The following COL4A3 variants were observed in gnomAD, a reference collection of about 807,000 sequenced individuals.
COL4A3 encodes the protein collagen alpha-3(IV) chain.
COL4A3 carries 135 observed loss-of-function variants against 217.4 expected under a neutral mutation model. The observed-to-expected ratio is 0.62, with a 90% CI of 0.54 to 0.72. The LOEUF is 0.72. Ranked by LOEUF, COL4A3 falls within the 30% of genes least tolerant of loss-of-function variation. The pLI is 0.00. For synonymous variants in COL4A3, 690 were observed against 736.3 expected, an observed-to-expected ratio of 0.94 and a Z score of 1.02; for missense variants, 1,868 against 2,119.9, an observed-to-expected ratio of 0.88 and a Z score of 2.33.
chr2:227,283,053 G>A (rs1399199154), intron 32 of COL4A3, among the ~76,000 whole-genome samples: 1 of 152,110 alleles, frequency 6.6e-6, no homozygotes, highest in East Asian at 1.9e-4. Context: ...ATTTCTTATA[G>A]GTATATTCAG....
At chr2:227,257,438 C>T (rs987428209) in intron 17 of COL4A3, among the ~76,000 whole-genome samples, 165 bp from the exon 18 acceptor site, 3 of 152,190 alleles carry the variant, frequency 2.0e-5, no homozygotes, top group African/African-American at 7.2e-5. Flanking sequence ...CAGATACGCG[C>T]TCTCCAGGAA....
intron 46 of COL4A3, chr2:227,304,400 T>G: frequency 2.1e-6 from 1 of 472,912 alleles, no homozygotes; most frequent in Non-Finnish European, 3.8e-6. Context: ...TTATTATTTT[T>G]TATTAAGGTA....
intron 1 of COL4A3, among the ~76,000 whole-genome samples, chr2:227,202,609 C>A (rs1006084616): frequency 6.6e-6 from 1 of 151,118 alleles, no homozygotes; most frequent in Non-Finnish European, 1.5e-5. Flanking sequence ...GTGGCGGGCA[C>A]CTGTAGTCCC....
intron 1 of COL4A3, chr2:227,222,622 A>G (rs1044640262): frequency 3.3e-5 from 5 of 152,214 alleles, no homozygotes; most frequent in Non-Finnish European, 5.9e-5. Flanking sequence ...GCACAAAACA[A>G]ATGAGGGAGC....
intron 3 of COL4A3, among the ~76,000 whole-genome samples, chr2:227,242,578 C>T (rs112954207): frequency 0.026 from 4,014 of 152,196 alleles, 173 homozygotes; most frequent in Admixed American, 0.095. Flanking sequence ...GATGACCAGC[C>T]CCCATCTGGG....
Position 227,250,237 on chromosome 2 carries a change from C to T in COL4A3, c.547-903C>T, listed in dbSNP as rs1433655163. On this transcript the variant is annotated intron_variant, in intron 9 of 51. Coordinates refer to ENST00000396578, the MANE Select transcript of COL4A3 (RefSeq NM_000091.5). This position sits in a 1 kb window ranked among gnomAD's most constrained non-coding sequence, Gnocchi z 4.1. ...CTGAGGCAGGAGAATCACTTGAACC[C>T]GGGAGGCAGAGGCTGCAGTGAGCAG... 1.3e-5 allele frequency among the ~76,000 whole-genome samples: 2 copies of T among 151,966 alleles called. No homozygotes were observed. Among genetic ancestry groups the T allele is most frequent in the African/African-American group, 2.4e-5 (1 of 41,368 alleles).
intron 24 of COL4A3, 51 bp downstream of exon 24, chr2:227,270,031 C>A: frequency 6.7e-7 from 1 of 1,483,270 alleles, no homozygotes; most frequent in Non-Finnish European, 9.4e-7. Context: ...AAATTGCACA[C>A]TCTAGAAATA....
chr2:227,178,523 G>A (rs765062052), intron 1 of COL4A3, among the ~76,000 whole-genome samples: 1 of 151,218 alleles, frequency 6.6e-6, no homozygotes. Flanking sequence ...AGATGATGAG[G>A]TAATGTCATT....
At chr2:227,179,177 A>G (rs80314989) in intron 1 of COL4A3, among the ~76,000 whole-genome samples, 26,309 of 151,370 alleles carry the variant, frequency 0.17, 2,447 homozygotes, top group Admixed American at 0.26. Context: ...TCTTGAACTC[A>G]TGGGCTCAAG....
chr2:227,301,560 A>G (rs906676997), intron 43 of COL4A3, among the ~76,000 whole-genome samples: 9 of 152,228 alleles, frequency 5.9e-5, no homozygotes, highest in African/African-American at 1.9e-4. Flanking sequence ...AAAGTTGCCA[A>G]TTTGATCCAT....
Position 227,284,229 on chromosome 2 carries a change from GAGTAAAGGGCC to G in COL4A3, c.2768_2778del (p.Val923GlufsTer13), listed in dbSNP as rs766306957. ...CTGTTAGGGAGCCCTGGAATTCCAG[GAGTAAAGGGCC>G]AGAGAGGAACCCCAGGAGCCAAGGG... On this transcript the variant is annotated frameshift_variant, in exon 34 of 52. Transcript: ENST00000396578. LOFTEE classifies it high-confidence loss of function. 7.6e-5 allele frequency: 122 copies of G among 1,613,968 alleles called. No homozygotes were observed. Among genetic ancestry groups the G allele is most frequent in the Non-Finnish European group, 1.0e-4 (120 of 1,180,002 alleles).
At chr2:227,199,713 A>G (rs1200383036) in intron 1 of COL4A3, among the ~76,000 whole-genome samples, 1 of 152,224 alleles carries the variant, frequency 6.6e-6, no homozygotes. Flanking sequence ...AAACATTCAT[A>G]TCTGTGGCCC....
rs773788933 is a variant in COL4A3, at chr2:227,290,779, C to T, written c.3103C>T (p.Pro1035Ser). Residue 1035 changes from proline to serine, a missense_variant, in exon 37 of 52, where the codon CCA becomes TCA. Coordinates refer to ENST00000396578, the MANE Select transcript of COL4A3 (RefSeq NM_000091.5). ...SKGKRGTLGF[P>S]GRAGRPGLPG... ...AGGAAAAAGGGGAACTTTGGGATTC[C>T]CAGGTCGAGCAGGAAGACCAGGCCT... is the stretch of plus-strand genomic sequence containing the variant. 4.3e-6 allele frequency: 7 copies of T among 1,613,316 alleles called. No individual in the cohort carries two copies. Among genetic ancestry groups the T allele is most frequent in the Non-Finnish European group, 5.1e-6 (6 of 1,179,928 alleles).
Position 227,251,183 on chromosome 2 carries a change from C to G in COL4A3, c.590C>G (p.Pro197Arg), listed in dbSNP as rs1308419924. Residue 197 changes from proline (P) to arginine (R), a missense_variant, in exon 10 of 52, where the codon CCT becomes CGT. Coordinates refer to ENST00000396578, the MANE Select transcript of COL4A3 (RefSeq NM_000091.5). ...PPGFPGPVGP[P>R]GPPGFFGFPG... ...GGTTTTCCTGGGCCTGTTGGCCCAC[C>G]TGGTCCTCCGGGATTCTTTGTGAGT... is the stretch of plus-strand genomic sequence containing the variant. The G allele has an allele frequency of 3.7e-6, 6 of 1,613,658 alleles. No homozygotes were observed. The East Asian group carries it at 6.7e-5, about 18-fold the overall frequency.
At chr2:227,276,320 T>C in intron 26 of COL4A3, 65 bp from the exon 27 acceptor site, 2 of 1,181,938 alleles carry the variant, frequency 1.7e-6, no homozygotes, top group South Asian at 2.4e-5. Flanking sequence ...TAATCGTATT[T>C]TCCGCTATCG....
intron 1 of COL4A3, among the ~76,000 whole-genome samples, chr2:227,232,256 T>C (rs2068449257): frequency 6.6e-6 from 1 of 152,238 alleles, no homozygotes; most frequent in Admixed American, 6.5e-5. Context: ...TAGTATACTC[T>C]GGTTTCTCTT....
chr2:227,209,892 T>C lies in COL4A3; in HGVS notation c.88-28076T>C, dbSNP rs11895987. ...AAAAGATGGGACCTTTACTCTGTCCTGTTCAGTTTCTTTTTATATGGATAT... is the reference window on the plus strand; with the variant it reads ...AAAAGATGGGACCTTTACTCTGTCCCGTTCAGTTTCTTTTTATATGGATAT... On this transcript the variant is annotated intron_variant, in intron 1 of 51. Transcript: ENST00000396578. 1.0e-3 allele frequency among the ~76,000 whole-genome samples: 154 copies of C among 152,316 alleles called. 3 individuals carry two copies. In the East Asian group the frequency reaches 0.025, roughly 25 times the overall value.
chr2:227,255,460 A>C (rs2070098719), intron 15 of COL4A3, among the ~76,000 whole-genome samples: 1 of 148,684 alleles, frequency 6.7e-6, no homozygotes, highest in Non-Finnish European at 1.5e-5. Flanking sequence ...ATAAGCAAAG[A>C]ATGTATTTTT....
At chr2:227,272,849 C>T in intron 25 of COL4A3, 100 bp from the exon 26 acceptor site, 2 of 1,246,504 alleles carry the variant, frequency 1.6e-6, no homozygotes, top group South Asian at 1.2e-5. Context: ...TTCAAGATCT[C>T]AATGACAGCC....
Sources: gnomAD v4.1 joint callset for allele counts (sites outside exome capture counted in the v4.1 genomes callset) on GRCh38, gnomAD v4.1.1 for gene constraint, Gnocchi (gnomAD v3.1) non-coding constraint, MANE v1.5 for transcripts, NCBI Gene and HGNC (gene_info 2026-07-23, HGNC 2026-07-21) for gene names.